The following HCN1 variants were observed in gnomAD, a reference collection of about 807,000 sequenced individuals.
HCN1 encodes hyperpolarization activated cyclic nucleotide gated potassium channel 1.
HCN1 carries 13 observed loss-of-function variants against 78.9 expected under a neutral mutation model. That is an observed-to-expected ratio of 0.16 (90% CI 0.11 to 0.26). The LOEUF is 0.26. Ranked by LOEUF, HCN1 falls within the 10% of genes least tolerant of loss-of-function variation. HCN1 has a pLI of 1.00. For missense variants in HCN1, 810 were observed against 1,154.3 expected (o/e 0.70, Z 4.32); for synonymous variants, 552 against 455.5 (o/e 1.21, Z -2.70).
At chr5:45,590,600 G>A (rs1056208241) in intron 2 of HCN1, among the ~76,000 whole-genome samples, 3 of 152,104 alleles carry the variant, frequency 2.0e-5, no homozygotes, top group Non-Finnish European at 4.4e-5. Flanking sequence ...ATACAGAGTA[G>A]TTTCCTGCCC....
intron 2 of HCN1, among the ~76,000 whole-genome samples, chr5:45,544,816 G>A (rs921054765): frequency 3.4e-4 from 52 of 152,060 alleles, no homozygotes; most frequent in Non-Finnish European, 3.1e-4. Flanking sequence ...TCCATGGTAT[G>A]TATGTGTCAC....
intron 6 of HCN1, among the ~76,000 whole-genome samples, chr5:45,287,695 T>TC (rs1044381412): frequency 3.3e-5 from 5 of 151,942 alleles, no homozygotes; most frequent in Admixed American, 6.6e-5. Flanking sequence ...CACCCTTACT[T>TC]CCCCACCATC....
At position 45,362,911 on chromosome 5, in the gene HCN1, A is replaced by G. The variant is rs1422695735; in HGVS notation, c.1231-9665T>C. ...TCTCCTTTCTCAACCAGTTTCTTGA[A>G]AGTGTGGTCTACTTTTGTTATCTAA... On this transcript the variant is annotated intron_variant, in intron 4 of 7. Transcript: ENST00000303230. Among the ~76,000 whole-genome samples the G allele has an allele frequency of 2.6e-5, 4 of 151,764 alleles. No individual in the cohort carries two copies. In the Admixed American group the frequency reaches 2.6e-4, roughly 10 times the overall value.
At chr5:45,263,254 T>A (rs1320578305) in intron 7 of HCN1, among the ~76,000 whole-genome samples, 1 of 152,158 alleles carries the variant, frequency 6.6e-6, no homozygotes, top group Non-Finnish European at 1.5e-5. Flanking sequence ...GGTAGATGAT[T>A]TTATGTAACC....
chr5:45,401,912 A>T (rs1381677503), intron 3 of HCN1, among the ~76,000 whole-genome samples: 2 of 152,078 alleles, frequency 1.3e-5, no homozygotes, highest in East Asian at 1.9e-4. Flanking sequence ...TCCTTGTTTA[A>T]AAAACAAGGA....
Position 45,695,988 on chromosome 5 carries a change from C to G in HCN1, c.106G>C (p.Glu36Gln). 1 of 1,291,754 alleles carries G rather than the reference C, an allele frequency of 7.7e-7. No homozygotes were observed. Among genetic ancestry groups the G allele is most frequent in the African/African-American group, 1.6e-5 (1 of 63,672 alleles). 80.0% of individuals were successfully genotyped at this position (1,291,754 alleles called of 1,614,324 possible). The stretch of plus-strand genomic sequence containing the variant: ...CCCGGCGGGGTGCCCAGGCGCTTCT[C>G]GGCCGCGGCCGGCCCCGCGCCCGTC... The part of the protein sequence containing the change: ...SATGAGPAAA[E>Q]KRLGTPPGGG... The change falls in exon 1 of 8, where the codon GAG becomes CAG. Residue 36 changes from glutamate (E) to glutamine (Q), a missense_variant. Around this residue, in one of 6 missense-constraint regions of HCN1, gnomAD observed 170 missense variants for 166.8 expected, o/e 1.02. Transcript: ENST00000303230.
rs371130713 is a variant in HCN1, at chr5:45,399,266, T to C, written c.1012-2556A>G. Among the ~76,000 whole-genome samples the C allele has an allele frequency of 3.0e-4, 45 of 152,340 alleles. No homozygotes were observed. The South Asian group carries it at 8.9e-3, about 30-fold the overall frequency. ...CATCTAGACTGCTGAGTGATGCATA[T>C]GCTGCCTTGCTGCTAGGCCAATTGC... is the stretch of plus-strand genomic sequence containing the variant. On this transcript the variant is annotated intron_variant, in intron 3 of 7. Coordinates refer to ENST00000303230, the MANE Select transcript of HCN1 (RefSeq NM_021072.4).
chr5:45,420,880 A>T (rs1319205540), intron 3 of HCN1, among the ~76,000 whole-genome samples: 1 of 152,162 alleles, frequency 6.6e-6, no homozygotes, highest in Admixed American at 6.5e-5. Flanking sequence ...TAATTCCCAA[A>T]GTGACAGCTA....
Position 45,264,072 on chromosome 5 carries a change from C to T in HCN1, c.1784-1262G>A, listed in dbSNP as rs529174860. ...CCTCCCAAAGTGCTGGGATTACAGGCGTGAGCCACCACGCCCAGCTTCCCC... is the reference window on the plus strand; with the variant it reads ...CCTCCCAAAGTGCTGGGATTACAGGTGTGAGCCACCACGCCCAGCTTCCCC... On this transcript the variant is annotated intron_variant, in intron 7 of 7. Transcript: ENST00000303230. Among the ~76,000 whole-genome samples, 15 of 152,350 alleles carry T rather than the reference C, an allele frequency of 9.8e-5. No individual in the cohort carries two copies. The East Asian group carries it at 1.2e-3, about 12-fold the overall frequency.
At chr5:45,426,329 G>A (rs571229242) in intron 3 of HCN1, among the ~76,000 whole-genome samples, 85 of 152,278 alleles carry the variant, frequency 5.6e-4, no homozygotes, top group Admixed American at 2.2e-3. Context: ...ATGGGAGCAA[G>A]AACTTAAACA....
intron 2 of HCN1, among the ~76,000 whole-genome samples, chr5:45,543,330 A>G (rs1456319552): frequency 6.6e-6 from 1 of 151,848 alleles, no homozygotes; most frequent in African/African-American, 2.4e-5. Context: ...AAAAAATAAA[A>G]CCTCCCCAGA....
chr5:45,499,031 C>CT (rs371123491), intron 2 of HCN1, among the ~76,000 whole-genome samples: 8,193 of 152,192 alleles, frequency 0.054, 305 homozygotes, highest in East Asian at 0.14. Context: ...TTACTGCTGT[C>CT]TTTTTTTGTC....
In HCN1 at chr5:45,259,377, C is replaced by CTAT. The variant is rs1744685162; in HGVS notation, c.*2541_*2543dup. 6.6e-6 allele frequency: 1 copy of CTAT among 152,310 alleles called. No individual in the cohort carries two copies. 9.4% of individuals were successfully genotyped at this position (152,310 alleles called of 1,614,324 possible). ...ACAGTTGTTGTAAGAATCAGCTATT[C>CTAT]TATTATCTTTCCAGCAGCAGAAAGA... is the stretch of plus-strand genomic sequence containing the variant. On this transcript the variant is annotated 3_prime_UTR_variant, in exon 8 of 8. Transcript: ENST00000303230.
At chr5:45,404,312 A>T (rs1409128443) in intron 3 of HCN1, among the ~76,000 whole-genome samples, 1 of 152,156 alleles carries the variant, frequency 6.6e-6, no homozygotes, top group Non-Finnish European at 1.5e-5. Context: ...AAATATACCC[A>T]GTTTCATATA....
intron 2 of HCN1, among the ~76,000 whole-genome samples, chr5:45,473,054 T>A (rs1561168033): frequency 2.0e-5 from 3 of 151,982 alleles, no homozygotes; most frequent in Admixed American, 2.0e-4. Flanking sequence ...TCTCCTGCTC[T>A]CTTTTCCTTG....
chr5:45,332,079 T>C (rs1039583489), intron 5 of HCN1, among the ~76,000 whole-genome samples: 3 of 151,732 alleles, frequency 2.0e-5, no homozygotes, highest in Middle Eastern at 3.4e-3. Context: ...TTTTAAACTC[T>C]GGAAAACAGT....
At chr5:45,605,762 C>T (rs531437295) in intron 2 of HCN1, among the ~76,000 whole-genome samples, 146 of 151,738 alleles carry the variant, frequency 9.6e-4, no homozygotes, top group African/African-American at 3.5e-3. Flanking sequence ...ATTATATTTA[C>T]AATTTTAAAG....
At chr5:45,358,957 T>C (rs769979076) in intron 4 of HCN1, among the ~76,000 whole-genome samples, 2 of 152,124 alleles carry the variant, frequency 1.3e-5, no homozygotes, top group African/African-American at 2.4e-5. Flanking sequence ...CTTTACTCCA[T>C]GCCTTTCTTC....
intron 2 of HCN1, among the ~76,000 whole-genome samples, chr5:45,469,115 T>C (rs961714252): frequency 1.3e-5 from 2 of 151,954 alleles, no homozygotes; most frequent in African/African-American, 4.8e-5. Context: ...TTTAATATGA[T>C]AGGTTATTTT....
Sources: gnomAD v4.1 joint callset for allele counts (sites outside exome capture counted in the v4.1 genomes callset) on GRCh38, gnomAD v4.1.1 for gene constraint, gnomAD v4.1.1 regional missense constraint, MANE v1.5 for transcripts, NCBI Gene and HGNC (gene_info 2026-07-23, HGNC 2026-07-21) for gene names.